Variants in TENM3 observed in about 807,000 individuals in gnomAD.
TENM3 encodes the protein teneurin transmembrane protein 3.
TENM3 carries 63 observed loss-of-function variants against 255.1 expected under a neutral mutation model. The ratio of observed to expected loss-of-function variants is 0.25; its 90% CI spans 0.20 to 0.30. The LOEUF (loss-of-function observed/expected upper bound fraction) is 0.30, where lower values mean the gene tolerates loss of function less well. Among genes scored for constraint, TENM3 ranks in the 10% least tolerant of loss-of-function variants. TENM3 has a pLI of 1.00. For synonymous variants in TENM3, 1,306 were observed against 1,322.3 expected (o/e 0.99, Z 0.27); for missense variants, 2,929 against 3,461.1 (o/e 0.85, Z 3.86).
the TENM3 span, among the ~76,000 whole-genome samples, chr4:181,963,679 A>G: frequency 2.6e-5 from 4 of 152,220 alleles, no homozygotes; most frequent in Non-Finnish European, 4.4e-5. Context: ...TGAACTGTGT[A>G]TATTAAATCC....
intron 18 of TENM3, among the ~76,000 whole-genome samples, chr4:182,740,470 A>G (rs2152730539): frequency 6.6e-6 from 1 of 152,370 alleles, no homozygotes; most frequent in African/African-American, 2.4e-5. Context: ...GTGTAAAATT[A>G]TATTTCACAC....
the TENM3 span, among the ~76,000 whole-genome samples, chr4:182,032,426 T>C: frequency 6.6e-6 from 1 of 152,250 alleles, no homozygotes; most frequent in East Asian, 1.9e-4. Flanking sequence ...GATGAGCTTT[T>C]TGAAGTGCTG....
the TENM3 span, among the ~76,000 whole-genome samples, chr4:182,010,683 G>A: frequency 3.3e-5 from 5 of 152,050 alleles, no homozygotes; most frequent in South Asian, 2.1e-4. Flanking sequence ...TATACAGCAA[G>A]GTATTATGCT....
chr4:182,390,717 C>T (rs59090476), intron 3 of TENM3, among the ~76,000 whole-genome samples: 156 of 152,342 alleles, frequency 1.0e-3, no homozygotes, highest in African/African-American at 3.5e-3. Context: ...TCTCTCCACC[C>T]TTCAGCACCT....
At chr4:182,226,857 A>G (rs888960483) in intron 1 of TENM3, among the ~76,000 whole-genome samples, 12 of 152,154 alleles carry the variant, frequency 7.9e-5, no homozygotes, top group African/African-American at 2.9e-4. Context: ...ACCTATTCTC[A>G]TGAAATACTG....
chr4:182,413,133 A>C (rs983974447), intron 3 of TENM3, among the ~76,000 whole-genome samples: 1 of 152,130 alleles, frequency 6.6e-6, no homozygotes, highest in African/African-American at 2.4e-5. Flanking sequence ...ATGATAGTCT[A>C]CAAAGTATAA....
chr4:182,189,404 G>A (rs930870778), intron 1 of TENM3, among the ~76,000 whole-genome samples: 2 of 151,992 alleles, frequency 1.3e-5, no homozygotes, highest in Admixed American at 6.5e-5. Context: ...TACTACATCC[G>A]TAATATTGCA....
At chr4:181,476,102 A>G in the TENM3 span, among the ~76,000 whole-genome samples, 1 of 152,224 alleles carries the variant, frequency 6.6e-6, no homozygotes, top group Non-Finnish European at 1.5e-5. Flanking sequence ...TTAATGGAGC[A>G]AGCTGGGCAA....
At chr4:181,968,572 G>A in the TENM3 span, among the ~76,000 whole-genome samples, 2 of 152,232 alleles carry the variant, frequency 1.3e-5, no homozygotes, top group East Asian at 3.9e-4. Flanking sequence ...CTGATGAAAA[G>A]CATCTAGAAT....
At chr4:181,572,836 A>T in the TENM3 span, among the ~76,000 whole-genome samples, 1 of 152,162 alleles carries the variant, frequency 6.6e-6, no homozygotes, top group Non-Finnish European at 1.5e-5. Context: ...GACCTTATCC[A>T]TTCTATCTAA....
At chr4:181,551,286 CT>C in the TENM3 span, among the ~76,000 whole-genome samples, 1 of 150,622 alleles carries the variant, frequency 6.6e-6, no homozygotes, top group Non-Finnish European at 1.5e-5. Flanking sequence ...AAAATGCATC[CT>C]GAGAATGAGG....
chr4:182,377,396 C>T (rs1185865781), intron 3 of TENM3, among the ~76,000 whole-genome samples: 1 of 152,152 alleles, frequency 6.6e-6, no homozygotes, highest in African/African-American at 2.4e-5. Context: ...TCACTGCAAC[C>T]TCCACCTCCT....
chr4:181,605,552 A>AG, the TENM3 span, among the ~76,000 whole-genome samples: 1 of 29,464 alleles, frequency 3.4e-5, no homozygotes, highest in Non-Finnish European at 9.2e-5. Flanking sequence ...GAAAGAAAGA[A>AG]AGAAAGAAAG....
chr4:181,599,396 G>A, the TENM3 span, among the ~76,000 whole-genome samples: 4 of 152,166 alleles, frequency 2.6e-5, no homozygotes, highest in African/African-American at 7.2e-5. Flanking sequence ...GGTTAAGGAG[G>A]GCAAACAGAG....
At chr4:182,506,968 C>T (rs945001542) in intron 3 of TENM3, among the ~76,000 whole-genome samples, 3 of 152,144 alleles carry the variant, frequency 2.0e-5, no homozygotes, top group African/African-American at 7.2e-5. Flanking sequence ...TAGGCACATA[C>T]TATGGAACAT....
chr4:181,506,400 C>T, the TENM3 span, among the ~76,000 whole-genome samples: 5 of 151,064 alleles, frequency 3.3e-5, no homozygotes, highest in Non-Finnish European at 5.9e-5. Context: ...CATTTCTGGC[C>T]GCTGTATCTT....
intron 6 of TENM3, among the ~76,000 whole-genome samples, chr4:182,671,631 T>C (rs1217204214): frequency 6.6e-6 from 1 of 152,194 alleles, no homozygotes; most frequent in Non-Finnish European, 1.5e-5. Context: ...GTCTAGATAA[T>C]CTCTAAGATT....
At chr4:181,635,205 C>T in the TENM3 span, among the ~76,000 whole-genome samples, 10 of 152,082 alleles carry the variant, frequency 6.6e-5, no homozygotes, top group East Asian at 1.9e-4. Flanking sequence ...AATGAATTTT[C>T]GTGACCTAAA....
chr4:182,489,057 T>A (rs1165996664), intron 3 of TENM3, among the ~76,000 whole-genome samples: 1 of 152,154 alleles, frequency 6.6e-6, no homozygotes, highest in Admixed American at 6.5e-5. Flanking sequence ...TCTTGAAAAG[T>A]GAGTATACAT....
Sources: allele counts gnomAD v4.1 joint callset (sites outside exome capture counted in the v4.1 genomes callset), GRCh38; gene constraint gnomAD v4.1.1; transcripts MANE v1.5; gene names NCBI Gene and HGNC (gene_info 2026-07-23, HGNC 2026-07-21).